The following PIP5K1B variants were observed in gnomAD, a reference collection of about 807,000 sequenced individuals.
PIP5K1B encodes phosphatidylinositol-4-phosphate 5-kinase type 1 beta.
PIP5K1B carries 42 observed loss-of-function variants against 67.0 expected under a neutral mutation model. The ratio of observed to expected loss-of-function variants is 0.63; its 90% CI spans 0.49 to 0.81. The LOEUF (loss-of-function observed/expected upper bound fraction) is 0.81, where lower values mean the gene tolerates loss of function less well. PIP5K1B is among the 30% of genes least tolerant of loss of function. PIP5K1B has a pLI of 0.00. For synonymous variants in PIP5K1B, 214 were observed against 231.4 expected (o/e 0.92, Z 0.68); for missense variants, 459 against 646.3 (o/e 0.71, Z 3.14).
At chr9:68,864,036 G>T in intron 5 of PIP5K1B, 69 bp downstream of exon 5, 1 of 1,459,940 alleles carries the variant, frequency 6.8e-7, no homozygotes, top group Non-Finnish European at 9.5e-7. Context: ...CCATATTGAA[G>T]GGCTTTTCTA....
intron 15 of PIP5K1B, among the ~76,000 whole-genome samples, chr9:68,993,705 G>C (rs996223059): frequency 2.6e-5 from 4 of 152,196 alleles, no homozygotes; most frequent in Admixed American, 6.5e-5. Context: ...AATCAGGAAA[G>C]CCTTTCAGAA....
At chr9:68,730,240 G>A (rs1210034616) in intron 1 of PIP5K1B, among the ~76,000 whole-genome samples, 1 of 152,140 alleles carries the variant, frequency 6.6e-6, no homozygotes, top group East Asian at 1.9e-4. Context: ...TATGAATATG[G>A]CATGAAGAAC....
intron 2 of PIP5K1B, among the ~76,000 whole-genome samples, chr9:68,816,064 A>G (rs541739936): frequency 6.6e-6 from 1 of 152,330 alleles, no homozygotes; most frequent in East Asian, 1.9e-4. Flanking sequence ...ATATAATCCC[A>G]GTCAGAATCC....
At chr9:68,821,216 A>G (rs1473756688) in intron 3 of PIP5K1B, among the ~76,000 whole-genome samples, 2 of 152,214 alleles carry the variant, frequency 1.3e-5, no homozygotes, top group East Asian at 3.8e-4. Context: ...TGATGGCACC[A>G]CTGTACTCCA....
At chr9:68,864,025 C>G in intron 5 of PIP5K1B, 58 bp downstream of exon 5, 1 of 1,550,904 alleles carries the variant, frequency 6.4e-7, no homozygotes, top group East Asian at 2.2e-5. Flanking sequence ...TTGTGACAAC[C>G]CCATATTGAA....
intron 2 of PIP5K1B, among the ~76,000 whole-genome samples, chr9:68,772,773 G>A (rs1397573615): frequency 2.0e-5 from 3 of 152,144 alleles, no homozygotes; most frequent in Admixed American, 6.5e-5. Context: ...AGAAGATGAA[G>A]AAAGAATTTC....
chr9:68,952,897 A>G (rs1828168710), intron 14 of PIP5K1B, among the ~76,000 whole-genome samples: 3 of 151,054 alleles, frequency 2.0e-5, no homozygotes, highest in Admixed American at 2.0e-4. Context: ...TATTGCAGAA[A>G]CCTGTAAACT....
chr9:68,731,140 C>G (rs542402204), intron 1 of PIP5K1B, among the ~76,000 whole-genome samples: 19 of 152,348 alleles, frequency 1.2e-4, no homozygotes, highest in African/African-American at 4.6e-4. Context: ...TGGTCAAGTG[C>G]TGCTTCAGAA....
chr9:68,926,325 G>A (rs1460264975), intron 12 of PIP5K1B, among the ~76,000 whole-genome samples: 1 of 152,064 alleles, frequency 6.6e-6, no homozygotes. Context: ...CATAAAATAT[G>A]GCATGTGTCG....
intron 4 of PIP5K1B, among the ~76,000 whole-genome samples, chr9:68,861,754 A>G (rs995276316): frequency 2.0e-5 from 3 of 152,114 alleles, no homozygotes; most frequent in African/African-American, 7.2e-5. Flanking sequence ...TTGAGTTTTT[A>G]TGCAAGGTTA....
intron 2 of PIP5K1B, among the ~76,000 whole-genome samples, chr9:68,812,115 C>T (rs999030924): frequency 6.6e-6 from 1 of 152,176 alleles, no homozygotes; most frequent in African/African-American, 2.4e-5. Context: ...TTTTACAAAC[C>T]AGCCTCACAG....
chr9:68,960,843 A>G (rs1300859311), intron 14 of PIP5K1B, among the ~76,000 whole-genome samples: 1 of 152,052 alleles, frequency 6.6e-6, no homozygotes, highest in African/African-American at 2.4e-5. Flanking sequence ...GCTTTTTTCG[A>G]TATTTTCGAT....
chr9:68,788,425 T>C, intron 2 of PIP5K1B: 1 of 562,738 alleles, frequency 1.8e-6, no homozygotes, highest in Non-Finnish European at 3.2e-6. Flanking sequence ...AGCTGCTGCA[T>C]CTTAACTACA....
At chr9:68,966,229 T>G (rs1246001951) in intron 14 of PIP5K1B, among the ~76,000 whole-genome samples, 1 of 152,090 alleles carries the variant, frequency 6.6e-6, no homozygotes, top group Non-Finnish European at 1.5e-5. Context: ...CCAAATACTG[T>G]ATGTAGCTAC....
chr9:68,862,036 A>G (rs985639536), intron 4 of PIP5K1B, among the ~76,000 whole-genome samples: 1 of 152,144 alleles, frequency 6.6e-6, no homozygotes, highest in Non-Finnish European at 1.5e-5. Context: ...TACCTCCTTA[A>G]GTGTCAAGGA....
intron 12 of PIP5K1B, among the ~76,000 whole-genome samples, chr9:68,926,415 C>T (rs1399517265): frequency 6.6e-6 from 1 of 151,972 alleles, no homozygotes; most frequent in Non-Finnish European, 1.5e-5. Context: ...AATCTATTGA[C>T]ATTTTCTCAT....
At chr9:68,800,473 C>A (rs969909154) in intron 2 of PIP5K1B, among the ~76,000 whole-genome samples, 4 of 152,172 alleles carry the variant, frequency 2.6e-5, no homozygotes, top group African/African-American at 9.7e-5. Flanking sequence ...TTGGGTTCAA[C>A]AGACCTCACC....
At chr9:68,862,189 C>A (rs756134879) in intron 4 of PIP5K1B, among the ~76,000 whole-genome samples, 3 of 152,088 alleles carry the variant, frequency 2.0e-5, no homozygotes, top group Admixed American at 6.5e-5. Flanking sequence ...GTTTGGAGGT[C>A]AAGTTTGGAT....
intron 2 of PIP5K1B, among the ~76,000 whole-genome samples, chr9:68,773,279 TAGAC>T (rs1202419906): frequency 1.3e-5 from 2 of 152,240 alleles, no homozygotes; most frequent in African/African-American, 2.4e-5. Context: ...GGAAGGATAG[TAGAC>T]AGACAGACAG....
Sources: allele counts gnomAD v4.1 joint callset (sites outside exome capture counted in the v4.1 genomes callset), GRCh38; gene constraint gnomAD v4.1.1; transcripts MANE v1.5; gene names NCBI Gene and HGNC (gene_info 2026-07-23, HGNC 2026-07-21).